CDH8: variants seen among roughly 807,000 people sequenced by gnomAD.
The protein encoded by CDH8 is cadherin-8.
CDH8 carries 17 observed loss-of-function variants against 68.1 expected under a neutral mutation model. The ratio of observed to expected loss-of-function variants is 0.25; its 90% CI spans 0.17 to 0.37. CDH8 has a LOEUF of 0.37. Ranked by LOEUF, CDH8 falls within the 10% of genes least tolerant of loss-of-function variation. CDH8 has a pLI of 1.00. For synonymous variants in CDH8, 372 were observed against 365.1 expected, an observed-to-expected ratio of 1.02 and a Z score of -0.21; for missense variants, 763 against 999.3, an observed-to-expected ratio of 0.76 and a Z score of 3.19.
At chr16:61,685,534 A>G (rs545921659) in intron 10 of CDH8, among the ~76,000 whole-genome samples, 6 of 152,056 alleles carry the variant, frequency 3.9e-5, no homozygotes, top group African/African-American at 1.4e-4. Flanking sequence ...CTTTTTGTTA[A>G]GTTTTGTATA....
intron 2 of CDH8, among the ~76,000 whole-genome samples, chr16:61,932,885 C>G (rs1396531770): frequency 1.3e-5 from 2 of 152,102 alleles, no homozygotes; most frequent in East Asian, 1.9e-4. Context: ...TTCAGCAGAC[C>G]CAGGATGGGA....
At chr16:61,696,470 C>T (rs1051300136) in intron 10 of CDH8, among the ~76,000 whole-genome samples, 9 of 152,008 alleles carry the variant, frequency 5.9e-5, no homozygotes, top group Non-Finnish European at 7.4e-5. Context: ...CAGATGCTGG[C>T]GAGGATGCAG....
rs761336806 is a variant in CDH8, at chr16:61,901,411, A to G, written c.315T>C (p.Ala105=). The stretch of plus-strand genomic sequence containing the variant: ...CATCATTTATTTGAAATATGGTCCC[A>G]GCTCCATCACCTGATAGGATATACT... The part of the protein sequence containing the change: ...KIKYILSGDG[A]GTIFQINDVT... Residue 105 remains alanine (A), a synonymous_variant, in exon 3 of 12, where the codon GCT becomes GCC. Transcript: ENST00000577390. 2 of 1,613,898 alleles carry G rather than the reference A, an allele frequency of 1.2e-6. No individual in the cohort carries two copies. Among genetic ancestry groups the G allele is most frequent in the Non-Finnish European group, 1.7e-6 (2 of 1,179,816 alleles).
intron 10 of CDH8, among the ~76,000 whole-genome samples, chr16:61,674,944 CAA>C (rs576278729): frequency 4.2e-5 from 4 of 95,484 alleles, no homozygotes; most frequent in Non-Finnish European, 4.4e-5. Context: ...GAACAGAAAG[CAA>C]AAAAAAAAAA....
chr16:61,771,153 T>A (rs548571424), intron 8 of CDH8, among the ~76,000 whole-genome samples: 1 of 152,076 alleles, frequency 6.6e-6, no homozygotes, highest in East Asian at 1.9e-4. Flanking sequence ...GGTATCCAGA[T>A]ATTCACAGAT....
intron 1 of CDH8, among the ~76,000 whole-genome samples, chr16:62,031,009 T>A (rs997911212): frequency 6.6e-6 from 1 of 152,146 alleles, no homozygotes; most frequent in Non-Finnish European, 1.5e-5. Context: ...AGAGAGGAAG[T>A]AAATTAATCC....
chr16:61,782,310 G>A (rs1438648273), intron 8 of CDH8, among the ~76,000 whole-genome samples: 1 of 152,198 alleles, frequency 6.6e-6, no homozygotes, highest in Non-Finnish European at 1.5e-5. Flanking sequence ...CCCTTTCCGA[G>A]TCAAAGAAAG....
chr16:61,767,540 T>A (rs1960626030), intron 8 of CDH8, among the ~76,000 whole-genome samples: 1 of 151,896 alleles, frequency 6.6e-6, no homozygotes, highest in Non-Finnish European at 1.5e-5. Context: ...ATAATGCAAA[T>A]GTTAAGAATT....
At chr16:61,794,039 G>C (rs1596973438) in intron 7 of CDH8, among the ~76,000 whole-genome samples, 1 of 151,980 alleles carries the variant, frequency 6.6e-6, no homozygotes, top group South Asian at 2.1e-4. Context: ...ATATTAAAAT[G>C]CAATATCTAA....
chr16:61,769,998 T>C (rs887544785), intron 8 of CDH8, among the ~76,000 whole-genome samples: 1 of 151,858 alleles, frequency 6.6e-6, no homozygotes, highest in African/African-American at 2.4e-5. Flanking sequence ...TCTATCACAC[T>C]TAGTAGTATC....
At chr16:61,689,566 A>T (rs1439041800) in intron 10 of CDH8, among the ~76,000 whole-genome samples, 1 of 151,978 alleles carries the variant, frequency 6.6e-6, no homozygotes, top group Non-Finnish European at 1.5e-5. Flanking sequence ...CCATGTCTTA[A>T]ATTCTACAGC....
At chr16:61,799,912 C>A (rs954317438) in intron 7 of CDH8, among the ~76,000 whole-genome samples, 4 of 151,962 alleles carry the variant, frequency 2.6e-5, no homozygotes, top group African/African-American at 7.3e-5. Context: ...CTTTTCCCCC[C>A]CCCAAAGACA....
In CDH8 at chr16:61,720,336, C is replaced by G. The variant is rs554831019; in HGVS notation, c.1537-6378G>C. ...GACTTTCTTTAAAAAACCTGCTCAT[C>G]ATCATGGCTTTTATGAACAAATGGA... is the stretch of plus-strand genomic sequence containing the variant. On this transcript the variant is annotated intron_variant, in intron 9 of 11. Coordinates refer to ENST00000577390, the MANE Select transcript of CDH8 (RefSeq NM_001796.5). Among the ~76,000 whole-genome samples the G allele has an allele frequency of 1.3e-4, 19 of 151,154 alleles. No individual in the cohort carries two copies. In the South Asian group the frequency reaches 3.5e-3, roughly 28 times the overall value.
chr16:61,696,492 A>G (rs1301708152), intron 10 of CDH8, among the ~76,000 whole-genome samples: 2 of 152,204 alleles, frequency 1.3e-5, no homozygotes, highest in Non-Finnish European at 2.9e-5. Context: ...GAAAAGGAAC[A>G]CTTATATTCT....
At chr16:61,848,259 A>G (rs1962857425) in intron 4 of CDH8, among the ~76,000 whole-genome samples, 1 of 152,054 alleles carries the variant, frequency 6.6e-6, no homozygotes, top group Non-Finnish European at 1.5e-5. Flanking sequence ...ACCCATCCCA[A>G]CGCATCCCAG....
intron 3 of CDH8, among the ~76,000 whole-genome samples, chr16:61,868,819 T>G (rs9635515): frequency 0.31 from 46,456 of 151,982 alleles, 7,501 homozygotes; most frequent in African/African-American, 0.41. Context: ...TATTGAAAAC[T>G]CTACGTGACA....
rs1902462588 is a variant in CDH8 at position 62,036,430 on chromosome 16, T to G, written c.-550A>C. The G allele has an allele frequency of 6.6e-6, 1 of 152,486 alleles. No homozygotes were observed. Among genetic ancestry groups the G allele is most frequent in the African/African-American group, 2.4e-5 (1 of 41,480 alleles). 9.4% of individuals were successfully genotyped at this position (152,486 alleles called of 1,614,324 possible). ...CGTGCGAGCCCGCCTGCCTGCCAAA[T>G]GTAACTGTGAAGTGATGTGGAAAAG... On this transcript the variant is annotated 5_prime_UTR_variant, in exon 1 of 12. Coordinates refer to ENST00000577390, the MANE Select transcript of CDH8 (RefSeq NM_001796.5).
At chr16:61,722,306 T>C (rs1054699124) in intron 9 of CDH8, among the ~76,000 whole-genome samples, 15 of 150,846 alleles carry the variant, frequency 9.9e-5, no homozygotes, top group African/African-American at 3.1e-4. Context: ...CAAAAATTTA[T>C]TTGACAATAC....
chr16:61,892,186 A>G (rs1029594000), intron 3 of CDH8, among the ~76,000 whole-genome samples: 2 of 152,208 alleles, frequency 1.3e-5, no homozygotes, highest in Admixed American at 6.5e-5. Flanking sequence ...ATAATTTACA[A>G]TTCACTTTTT....
Sources: gnomAD v4.1 joint callset for allele counts (sites outside exome capture counted in the v4.1 genomes callset) on GRCh38, gnomAD v4.1.1 for gene constraint, MANE v1.5 for transcripts, NCBI Gene and HGNC (gene_info 2026-07-23, HGNC 2026-07-21) for gene names.